The following BMS1 variants were observed in gnomAD, a reference collection of about 807,000 sequenced individuals.
The protein encoded by BMS1 is BMS1 ribosome biogenesis factor.
A neutral mutation model predicts 138.7 loss-of-function variants in BMS1; 53 were observed. The ratio of observed to expected loss-of-function variants is 0.38; its 90% CI spans 0.31 to 0.48. The LOEUF is 0.48. Among genes scored for constraint, BMS1 ranks in the 20% least tolerant of loss-of-function variants. The pLI, the probability that BMS1 is intolerant of heterozygous loss-of-function variation, is 0.97. For synonymous variants in BMS1, 504 were observed against 539.9 expected (o/e 0.93, Z 0.92); for missense variants, 1,360 against 1,565.5 (o/e 0.87, Z 2.22).
intron 13 of BMS1, among the ~76,000 whole-genome samples, chr10:42,810,647 A>G (rs1842144627): frequency 6.6e-6 from 1 of 152,158 alleles, no homozygotes. Flanking sequence ...TTATTCCAGA[A>G]GCTCTTAATT....
intron 21 of BMS1, among the ~76,000 whole-genome samples, chr10:42,824,126 A>AT (rs1248349168): frequency 6.6e-6 from 1 of 152,174 alleles, no homozygotes; most frequent in Non-Finnish European, 1.5e-5. Flanking sequence ...ACACAGTTAG[A>AT]TTTTTTTGTG....
At chr10:42,827,536 A>G (rs1433151635) in intron 21 of BMS1, among the ~76,000 whole-genome samples, 1 of 152,094 alleles carries the variant, frequency 6.6e-6, no homozygotes, top group Admixed American at 6.5e-5. Context: ...CAGCTGGTCC[A>G]TGGGGGTGGG....
chr10:42,798,707 AC>A lies in BMS1; in HGVS notation c.2247+84del, dbSNP rs909317888. The A allele has an allele frequency of 1.9e-6, 3 of 1,553,588 alleles. No individual in the cohort carries two copies. In the African/African-American group the frequency reaches 4.1e-5, roughly 21 times the overall value. ...AGATTATCTGATGTCAATATTGCTTACCTGTTGTTGGCTTCTTATTTTTACA... is the reference window on the plus strand; with the variant it reads ...AGATTATCTGATGTCAATATTGCTTACTGTTGTTGGCTTCTTATTTTTACA... On this transcript the variant is annotated intron_variant, in intron 12 of 22. Transcript: ENST00000374518.
At chr10:42,830,493 T>C in intron 22 of BMS1, 71 bp downstream of exon 22, 3 of 1,525,492 alleles carry the variant, frequency 2.0e-6, no homozygotes, top group Non-Finnish European at 2.6e-6. Flanking sequence ...GCACACTTCC[T>C]GTTTCTACTG....
At chr10:42,814,614 T>G (rs7895230) in intron 13 of BMS1, among the ~76,000 whole-genome samples, 71,708 of 152,026 alleles carry the variant, frequency 0.47, 17,623 homozygotes, top group East Asian at 0.63. Flanking sequence ...TCCTCCTATT[T>G]GGGTTTAGTC....
At chr10:42,791,794 C>T (rs1841513497) in intron 6 of BMS1, 25 bp downstream of exon 6, 9 of 1,585,744 alleles carry the variant, frequency 5.7e-6, no homozygotes, top group Non-Finnish European at 7.7e-6. Context: ...TAAGCTTTTT[C>T]TTCCTGGGCC....
At chr10:42,798,718 GCTT>G in intron 12 of BMS1, 93 bp downstream of exon 12, 2 of 1,519,264 alleles carry the variant, frequency 1.3e-6, no homozygotes, top group Non-Finnish European at 8.9e-7. Context: ...CCTGTTGTTG[GCTT>G]CTTATTTTTA....
chr10:42,790,891 C>G (rs546125150), intron 5 of BMS1, among the ~76,000 whole-genome samples: 2 of 152,140 alleles, frequency 1.3e-5, no homozygotes, highest in East Asian at 3.9e-4. Flanking sequence ...AAACGTCTCT[C>G]TAGGATTCGC....
chr10:42,823,163 G>A lies in BMS1; in HGVS notation c.3178G>A (p.Val1060Met), dbSNP rs750920841. The A allele has an allele frequency of 3.7e-6, 6 of 1,608,166 alleles. No individual in the cohort carries two copies. In the African/African-American group the frequency reaches 6.7e-5, roughly 18 times the overall value. Residue 1060 changes from valine (V) to methionine (M), a missense_variant, in exon 20 of 23, where the codon GTG becomes ATG. Physicochemically the swap from Val to Met is conservative, Grantham distance 21. Transcript: ENST00000374518. ...ALEVAKFEGA[V>M]IRTVSGIRGQ... is the part of the protein sequence containing the mutation. ...GGAAGTGGCCAAATTTGAAGGTGCT[G>A]TGATTCGAACAGTCAGTGGGATAAG...
intron 21 of BMS1, among the ~76,000 whole-genome samples, chr10:42,828,961 A>G (rs1275757200): frequency 4.6e-5 from 7 of 152,210 alleles, no homozygotes; most frequent in African/African-American, 1.2e-4. Flanking sequence ...CTTGAATTCA[A>G]AAACAATCGG....
Position 42,796,652 on chromosome 10 carries a change from A to G in BMS1, c.1408A>G (p.Asn470Asp), listed in dbSNP as rs772723383. Residue 470 changes from asparagine to aspartate, a missense_variant, in exon 10 of 23, where the codon AAT becomes GAT. Physicochemically the swap from Asn to Asp is conservative, Grantham distance 23. Coordinates refer to ENST00000374518, the MANE Select transcript of BMS1 (RefSeq NM_014753.4). ...SSDEEAEEEE[N>D]AEMTDQYMAV... is the part of the protein sequence containing the mutation. Reference sequence around the variant, plus strand: ...TGATGAGGAAGCAGAAGAGGAGGAAAATGCTGAGATGACTGATCAGTATAT... The same window carrying G: ...TGATGAGGAAGCAGAAGAGGAGGAAGATGCTGAGATGACTGATCAGTATAT... 1 of 1,614,204 alleles carries G rather than the reference A, an allele frequency of 6.2e-7. No individual in the cohort carries two copies. Among genetic ancestry groups the G allele is most frequent in the Non-Finnish European group, 8.5e-7 (1 of 1,180,042 alleles).
intron 13 of BMS1, among the ~76,000 whole-genome samples, chr10:42,808,487 G>A (rs1370587008): frequency 6.6e-6 from 1 of 151,784 alleles, no homozygotes. Context: ...TTTTAGTAGA[G>A]ACGGGGTTTC....
At chr10:42,829,998 A>G (rs554549182) in intron 21 of BMS1, among the ~76,000 whole-genome samples, 29 of 152,324 alleles carry the variant, frequency 1.9e-4, no homozygotes, top group African/African-American at 7.0e-4. Context: ...CCATAGTTCC[A>G]TACCATAGAA....
chr10:42,816,709 G>A (rs1842359955), intron 14 of BMS1, 37 bp downstream of exon 14: 1 of 1,566,986 alleles, frequency 6.4e-7, no homozygotes, highest in Admixed American at 1.8e-5. Context: ...CTTGGTCATT[G>A]TGTTCTGAGA....
In BMS1 at chr10:42,831,788, A is replaced by G. The variant is rs961167368; in HGVS notation, c.*692A>G. 7 of 152,264 alleles carry G rather than the reference A, an allele frequency of 4.6e-5. No homozygotes were observed. Among genetic ancestry groups the G allele is most frequent in the Admixed American group, 4.6e-4 (7 of 15,274 alleles). 9.4% of individuals were successfully genotyped at this position (152,264 alleles called of 1,614,324 possible). On this transcript the variant is annotated 3_prime_UTR_variant, in exon 23 of 23. Coordinates refer to ENST00000374518, the MANE Select transcript of BMS1 (RefSeq NM_014753.4). The stretch of plus-strand genomic sequence containing the variant: ...TGCAGAGACCAAGGAAATCGTATGT[A>G]TCAGTGAGATAGGCTTCCCGTATTA...
rs769777591 is a variant in BMS1, at chr10:42,787,261, G to C, written c.447+14G>C. On this transcript the variant is annotated intron_variant, in intron 4 of 22. Coordinates refer to ENST00000374518, the MANE Select transcript of BMS1 (RefSeq NM_014753.4). Reference sequence around the variant, plus strand: ...GTAGCAGATCTGGTAAGTGAGCAGGGGCAGCCTGGGGTGCTGATGGAGACT... The same window carrying C: ...GTAGCAGATCTGGTAAGTGAGCAGGCGCAGCCTGGGGTGCTGATGGAGACT... The C allele has an allele frequency of 2.2e-6, 2 of 923,370 alleles. No homozygotes were observed. The highest frequency in any genetic ancestry group is 2.7e-5 in the South Asian group (2 of 73,648). 57.2% of individuals were successfully genotyped at this position (923,370 alleles called of 1,614,324 possible).
In BMS1 at chr10:42,830,310, C is replaced by A. The variant is rs758696339; in HGVS notation, c.3506C>A (p.Ala1169Asp). Residue 1169 changes from alanine (A) to aspartate (D), a missense_variant, in exon 22 of 23, where the codon GCC becomes GAC. Physicochemically the swap from Ala to Asp is moderately radical, Grantham distance 126 (BLOSUM62 -2). Coordinates refer to ENST00000374518, the MANE Select transcript of BMS1 (RefSeq NM_014753.4). Reference protein sequence around the residue: ...KHFNSLHIPKALQKALPFKNK... With the variant: ...KHFNSLHIPKDLQKALPFKNK... ...TTTAATTCACTGCACATTCCAAAAGCCTTGCAGAAGGCCCTGCCATTTAAG... is the reference window on the plus strand; with the variant it reads ...TTTAATTCACTGCACATTCCAAAAGACTTGCAGAAGGCCCTGCCATTTAAG... 6.2e-6 allele frequency: 10 copies of A among 1,613,730 alleles called. No individual in the cohort carries two copies. The highest frequency in any genetic ancestry group is 7.6e-6 in the Non-Finnish European group (9 of 1,180,000).
intron 21 of BMS1, among the ~76,000 whole-genome samples, chr10:42,826,256 TG>T (rs1377935634): frequency 1.3e-5 from 2 of 151,658 alleles, no homozygotes; most frequent in Non-Finnish European, 2.9e-5. Context: ...TGTGTGTGTG[TG>T]TGTGTGTGTG....
intron 21 of BMS1, among the ~76,000 whole-genome samples, chr10:42,824,460 T>A (rs1842584874): frequency 6.6e-6 from 1 of 152,228 alleles, no homozygotes; most frequent in African/African-American, 2.4e-5. Context: ...GGTTGTTCCT[T>A]TGCTGTGCAG....
Sources: gnomAD v4.1 joint callset for allele counts (sites outside exome capture counted in the v4.1 genomes callset) on GRCh38, gnomAD v4.1.1 for gene constraint, MANE v1.5 for transcripts, NCBI Gene and HGNC (gene_info 2026-07-23, HGNC 2026-07-21) for gene names.